The following TENM3 variants were observed in gnomAD, a reference collection of about 807,000 sequenced individuals.
TENM3 encodes the protein teneurin-3.
In TENM3, 63 loss-of-function variants were observed where a neutral mutation model predicts 255.1. That is an observed-to-expected ratio of 0.25 (90% CI 0.20 to 0.30). TENM3 has a LOEUF of 0.30. TENM3 is among the 10% of genes least tolerant of loss of function. TENM3 has a pLI of 1.00. For missense variants in TENM3, 2,929 were observed against 3,461.1 expected (o/e 0.85, Z 3.86); for synonymous variants, 1,306 against 1,322.3 (o/e 0.99, Z 0.27).
chr4:182,492,807 G>A (rs992621643), intron 3 of TENM3, among the ~76,000 whole-genome samples: 7 of 152,036 alleles, frequency 4.6e-5, no homozygotes, highest in African/African-American at 1.7e-4. Flanking sequence ...TGTTATTTCT[G>A]TTGATACTGG....
At chr4:182,257,111 G>A (rs1482206320) in intron 1 of TENM3, among the ~76,000 whole-genome samples, 1 of 152,190 alleles carries the variant, frequency 6.6e-6, no homozygotes, top group Non-Finnish European at 1.5e-5. Context: ...AGAATCACTG[G>A]AAGGGGCTGG....
chr4:182,298,377 C>T (rs1580070323), intron 1 of TENM3, among the ~76,000 whole-genome samples: 1 of 152,264 alleles, frequency 6.6e-6, no homozygotes, highest in East Asian at 1.9e-4. Context: ...ACTCCAAGCT[C>T]CTCAGAGTAG....
the TENM3 span, among the ~76,000 whole-genome samples, chr4:182,070,134 A>C: frequency 2.0e-5 from 3 of 152,152 alleles, no homozygotes; most frequent in Non-Finnish European, 4.4e-5. Context: ...TGAATTTCTG[A>C]GTGGAGGCAC....
the TENM3 span, among the ~76,000 whole-genome samples, chr4:181,809,484 C>T: frequency 8.5e-5 from 13 of 152,090 alleles, no homozygotes; most frequent in African/African-American, 2.9e-4. Context: ...TTGGTTCGAT[C>T]GTGTATTGCC....
chr4:182,353,966 G>GA (rs33947631), intron 3 of TENM3, among the ~76,000 whole-genome samples: 17,128 of 132,418 alleles, frequency 0.13, 1,030 homozygotes, highest in Admixed American at 0.19. Flanking sequence ...ACTCCAGCTG[G>GA]AAAAAAAAAA....
At chr4:182,204,294 A>G (rs1254364913) in intron 1 of TENM3, among the ~76,000 whole-genome samples, 2 of 152,182 alleles carry the variant, frequency 1.3e-5, no homozygotes, top group African/African-American at 4.8e-5. Flanking sequence ...GGCTCATGTA[A>G]GAGTTGAAAT....
At chr4:181,663,049 G>C in the TENM3 span, among the ~76,000 whole-genome samples, 1 of 152,068 alleles carries the variant, frequency 6.6e-6, no homozygotes, top group African/African-American at 2.4e-5. Context: ...TTATTTCCTG[G>C]TCTCCGTTTT....
chr4:181,706,942 G>C, the TENM3 span, among the ~76,000 whole-genome samples: 6 of 152,184 alleles, frequency 3.9e-5, no homozygotes, highest in African/African-American at 1.2e-4. Flanking sequence ...GCTCAGCCAG[G>C]TTGCCATCTC....
the TENM3 span, among the ~76,000 whole-genome samples, chr4:181,664,488 A>C: frequency 4.0e-5 from 4 of 101,122 alleles, no homozygotes; most frequent in Admixed American, 9.0e-5. Context: ...AAAAAAAACA[A>C]AACAAAAAAA....
the TENM3 span, among the ~76,000 whole-genome samples, chr4:181,692,461 T>G: frequency 1.3e-5 from 2 of 152,206 alleles, no homozygotes; most frequent in African/African-American, 2.4e-5. Context: ...TCTAACAAGA[T>G]GCATGTAACT....
At chr4:182,505,904 A>G (rs4862073) in intron 3 of TENM3, among the ~76,000 whole-genome samples, 24,459 of 152,206 alleles carry the variant, frequency 0.16, 3,184 homozygotes, top group African/African-American at 0.35. Context: ...CAGGCTTCGG[A>G]TTTCTTCCTG....
At chr4:182,028,665 G>T in the TENM3 span, among the ~76,000 whole-genome samples, 1 of 152,106 alleles carries the variant, frequency 6.6e-6, no homozygotes, top group Non-Finnish European at 1.5e-5. Context: ...TTTGTTTCAA[G>T]AAATTTTCCA....
At chr4:182,531,018 C>G (rs1053535294) in intron 3 of TENM3, among the ~76,000 whole-genome samples, 1 of 152,056 alleles carries the variant, frequency 6.6e-6, no homozygotes, top group Admixed American at 6.6e-5. Context: ...TATTTTAAAG[C>G]AGAGTCTGGA....
the TENM3 span, among the ~76,000 whole-genome samples, chr4:181,477,251 G>A: frequency 2.0e-5 from 3 of 152,144 alleles, no homozygotes; most frequent in Non-Finnish European, 4.4e-5. Flanking sequence ...AACTTGAGAT[G>A]AGAAGAAGGC....
At chr4:182,161,591 ATATATATACATATATATATATG>A (rs1158499361) in intron 1 of TENM3, among the ~76,000 whole-genome samples, 404 of 123,626 alleles carry the variant, frequency 3.3e-3, no homozygotes, top group East Asian at 1.0e-2. Context: ...CAGTCCAAAT[ATATATATACATATATATATATG>A]TATATATATA....
the TENM3 span, among the ~76,000 whole-genome samples, chr4:181,518,427 GT>G: frequency 6.6e-6 from 1 of 151,880 alleles, no homozygotes; most frequent in Non-Finnish European, 1.5e-5. Context: ...GTTTGGTTTG[GT>G]TTGGTTTGGT....
At chr4:182,305,493 T>C (rs1762082297) in intron 1 of TENM3, among the ~76,000 whole-genome samples, 1 of 152,214 alleles carries the variant, frequency 6.6e-6, no homozygotes, top group African/African-American at 2.4e-5. Context: ...AAAAATGTTA[T>C]TGTGGTGATC....
rs1462594117 is a variant in TENM3, at chr4:182,151,125, G to A, written c.-76+6371G>A. ...TCAAGAGCGTCTCCAGCATCCTCTT[G>A]TGTCCAGCATGTGGCTTCTATACTG... is the stretch of plus-strand genomic sequence containing the variant. On this transcript the variant is annotated intron_variant, in intron 1 of 2. Transcript: ENST00000512480. 2.0e-5 allele frequency among the ~76,000 whole-genome samples: 3 copies of A among 152,058 alleles called. No homozygotes were observed. The East Asian group carries it at 5.8e-4, about 29-fold the overall frequency.
chr4:181,534,500 T>C, the TENM3 span, among the ~76,000 whole-genome samples: 1 of 151,830 alleles, frequency 6.6e-6, no homozygotes, highest in African/African-American at 2.4e-5. Context: ...TTTGTTTCCC[T>C]GCCTTCGTAC....
Sources: gnomAD v4.1 joint callset for allele counts (sites outside exome capture counted in the v4.1 genomes callset) on GRCh38, gnomAD v4.1.1 for gene constraint, MANE v1.5 for transcripts, NCBI Gene and HGNC (gene_info 2026-07-23, HGNC 2026-07-21) for gene names.